Variants in DIAPH3 observed in about 807,000 individuals in gnomAD.
DIAPH3 encodes protein diaphanous homolog 3.
Under a neutral mutation model 144.3 loss-of-function variants are expected in DIAPH3, and 117 were observed. The ratio of observed to expected loss-of-function variants is 0.81; its 90% CI spans 0.70 to 0.95. DIAPH3 has a LOEUF of 0.95. Among genes scored for constraint, DIAPH3 ranks in the 40% least tolerant of loss-of-function variants. DIAPH3 has a pLI of 0.00. For missense variants in DIAPH3, 1,421 were observed against 1,412.7 expected, an observed-to-expected ratio of 1.01 and a Z score of -0.09; for synonymous variants, 519 against 488.9, an observed-to-expected ratio of 1.06 and a Z score of -0.81.
chr13:59,955,041 T>C (rs1030628931), intron 17 of DIAPH3, among the ~76,000 whole-genome samples: 8 of 151,600 alleles, frequency 5.3e-5, no homozygotes, highest in African/African-American at 7.3e-5. Context: ...CTTTAGATTT[T>C]CTGGTTTATG....
intron 17 of DIAPH3, among the ~76,000 whole-genome samples, chr13:59,964,679 C>T (rs1254771729): frequency 6.6e-6 from 1 of 152,002 alleles, no homozygotes; most frequent in Non-Finnish European, 1.5e-5. Context: ...TCTTCCGCAC[C>T]CCAACAGAGA....
At chr13:60,065,659 A>C (rs1029115013) in intron 4 of DIAPH3, among the ~76,000 whole-genome samples, 1 of 152,226 alleles carries the variant, frequency 6.6e-6, no homozygotes, top group African/African-American at 2.4e-5. Flanking sequence ...TCAACTCATC[A>C]ACAAATTTCC....
intron 24 of DIAPH3, among the ~76,000 whole-genome samples, chr13:59,829,064 T>A (rs2041627204): frequency 6.6e-6 from 1 of 151,866 alleles, no homozygotes; most frequent in Non-Finnish European, 1.5e-5. Flanking sequence ...AAGGCTCTCA[T>A]AGAGCAAACA....
chr13:60,083,720 C>T lies in DIAPH3; in HGVS notation c.495+9908G>A, dbSNP rs542672754. Among the ~76,000 whole-genome samples, 19 of 152,056 alleles carry T rather than the reference C, an allele frequency of 1.2e-4. No homozygotes were observed. The East Asian group carries it at 2.7e-3, about 22-fold the overall frequency. On this transcript the variant is annotated intron_variant, in intron 4 of 27. Transcript: ENST00000400324. ...TTCAACAGTGATTGGACAGAATAGA[C>T]CAAGGGACTCCCTCTCAAAAAAAAA...
At chr13:59,904,861 A>G (rs1471256576) in intron 20 of DIAPH3, among the ~76,000 whole-genome samples, 1 of 152,194 alleles carries the variant, frequency 6.6e-6, no homozygotes, top group African/African-American at 2.4e-5. Flanking sequence ...ATAAAATAGG[A>G]AAATAAACAA....
chr13:59,834,749 G>A (rs759534190), intron 23 of DIAPH3, among the ~76,000 whole-genome samples: 8 of 151,738 alleles, frequency 5.3e-5, no homozygotes, highest in South Asian at 2.1e-4. Context: ...GGAAAAATAC[G>A]TGAGATACTC....
At chr13:59,676,194 G>A (rs1428370971) in intron 27 of DIAPH3, among the ~76,000 whole-genome samples, 4 of 152,142 alleles carry the variant, frequency 2.6e-5, no homozygotes, top group Non-Finnish European at 5.9e-5. Context: ...GCCAATGCTC[G>A]AATTACATTT....
chr13:59,980,773 A>C (rs1485828140), intron 14 of DIAPH3, 22 bp downstream of exon 14: 1 of 1,596,632 alleles, frequency 6.3e-7, no homozygotes, highest in Admixed American at 1.7e-5. Context: ...AGAATACTAT[A>C]AAGTTAGTGA....
chr13:60,059,065 T>C (rs1000076322), intron 4 of DIAPH3, among the ~76,000 whole-genome samples: 1 of 151,808 alleles, frequency 6.6e-6, no homozygotes, highest in Non-Finnish European at 1.5e-5. Context: ...ACTGTTAATA[T>C]GTATAAAAAG....
intron 1 of DIAPH3, among the ~76,000 whole-genome samples, chr13:60,150,243 G>C (rs879346910): frequency 6.6e-6 from 1 of 151,954 alleles, no homozygotes; most frequent in Admixed American, 6.6e-5. Flanking sequence ...CAGGCTGGTC[G>C]TGAATTCCTG....
intron 3 of DIAPH3, among the ~76,000 whole-genome samples, chr13:60,098,005 A>G (rs1205858933): frequency 6.6e-6 from 1 of 152,130 alleles, no homozygotes; most frequent in Non-Finnish European, 1.5e-5. Context: ...GCATATCCAT[A>G]TTTTATGTTG....
At chr13:60,146,308 T>A (rs1951519720) in intron 1 of DIAPH3, among the ~76,000 whole-genome samples, 1 of 152,194 alleles carries the variant, frequency 6.6e-6, no homozygotes, top group Non-Finnish European at 1.5e-5. Context: ...GTACCTGCCC[T>A]GAAGAAGTTT....
intron 26 of DIAPH3, 57 bp from the exon 27 acceptor site, chr13:59,774,305 G>A (rs2038279333): frequency 3.5e-6 from 5 of 1,436,926 alleles, no homozygotes; most frequent in Non-Finnish European, 4.8e-6. Context: ...TCTCAAGAAG[G>A]AAAACAGTAT....
At chr13:60,124,057 C>G (rs1251245169) in intron 2 of DIAPH3, among the ~76,000 whole-genome samples, 1 of 152,156 alleles carries the variant, frequency 6.6e-6, no homozygotes. Context: ...TACAGGTAAA[C>G]AAAGCTCAGT....
At chr13:59,790,191 T>A (rs2039254477) in intron 25 of DIAPH3, among the ~76,000 whole-genome samples, 1 of 152,210 alleles carries the variant, frequency 6.6e-6, no homozygotes, top group Non-Finnish European at 1.5e-5. Flanking sequence ...CAGGGTGCTA[T>A]GAAATTGCTT....
At chr13:60,125,808 T>G (rs1161429149) in intron 2 of DIAPH3, among the ~76,000 whole-genome samples, 1 of 151,888 alleles carries the variant, frequency 6.6e-6, no homozygotes, top group Non-Finnish European at 1.5e-5. Flanking sequence ...GCATTTTGGG[T>G]AGCAATAGGA....
intron 9 of DIAPH3, 132 bp downstream of exon 9, chr13:60,008,412 A>AAATG: frequency 1.5e-6 from 1 of 647,146 alleles, no homozygotes; most frequent in Non-Finnish European, 2.7e-6. Flanking sequence ...ATAAATAAAT[A>AAATG]AATAATGCTA....
intron 20 of DIAPH3, among the ~76,000 whole-genome samples, chr13:59,907,150 T>A (rs572183960): frequency 6.6e-6 from 1 of 152,304 alleles, no homozygotes; most frequent in African/African-American, 2.4e-5. Flanking sequence ...GATAGAAAAT[T>A]AAGCTGAGTA....
intron 4 of DIAPH3, among the ~76,000 whole-genome samples, chr13:60,091,613 T>TA (rs1281812971): frequency 6.6e-6 from 1 of 151,538 alleles, no homozygotes; most frequent in Non-Finnish European, 1.5e-5. Context: ...AAACAACAAC[T>TA]AAAAAAAAGC....
Sources: gnomAD v4.1 joint callset for allele counts (sites outside exome capture counted in the v4.1 genomes callset) on GRCh38, gnomAD v4.1.1 for gene constraint, MANE v1.5 for transcripts, NCBI Gene and HGNC (gene_info 2026-07-23, HGNC 2026-07-21) for gene names.